The following GRID2 variants were observed in gnomAD, a reference collection of about 807,000 sequenced individuals.
GRID2 encodes the protein glutamate ionotropic receptor delta type subunit 2, also known as glutamate receptor ionotropic, delta-2.
In GRID2, 33 loss-of-function variants were observed where a neutral mutation model predicts 114.8. That is an observed-to-expected ratio of 0.29 (90% CI 0.22 to 0.38). The LOEUF is 0.38. Among genes scored for constraint, GRID2 ranks in the 10% least tolerant of loss-of-function variants. GRID2 has a pLI of 1.00. For missense variants in GRID2, 1,184 were observed against 1,257.7 expected (o/e 0.94, Z 0.89); for synonymous variants, 505 against 449.9 (o/e 1.12, Z -1.55).
In GRID2 at chr4:92,419,473, G is replaced by A. The variant is rs755651241; in HGVS notation, c.88+114729G>A. ...TAAATTAAGATGACGGATAAAATAC[G>A]TCAAATAAATTTAAACAACATGAAC... is the stretch of plus-strand genomic sequence containing the variant. On this transcript the variant is annotated intron_variant, in intron 1 of 15. Transcript: ENST00000282020. Among the ~76,000 whole-genome samples, 5 of 151,970 alleles carry A rather than the reference G, an allele frequency of 3.3e-5. 1 individual carries two copies. Among genetic ancestry groups the A allele is most frequent in the Admixed American group, 2.0e-4 (3 of 15,232 alleles).
intron 2 of GRID2, among the ~76,000 whole-genome samples, chr4:93,058,593 T>G (rs115308939): frequency 0.019 from 2,925 of 152,048 alleles, 40 homozygotes; most frequent in South Asian, 0.024. Context: ...GTGCCGTTAT[T>G]GCTTAAATCA....
At chr4:93,725,797 G>C (rs560287938) in intron 14 of GRID2, among the ~76,000 whole-genome samples, 1 of 152,250 alleles carries the variant, frequency 6.6e-6, no homozygotes, top group South Asian at 2.1e-4. Context: ...AGAAGTGTCT[G>C]TTCATGTCCT....
chr4:92,951,955 T>C (rs963416215), intron 2 of GRID2, among the ~76,000 whole-genome samples: 17 of 152,316 alleles, frequency 1.1e-4, no homozygotes, highest in African/African-American at 3.6e-4. Context: ...CTAAGTCTTA[T>C]TGATTGATAG....
At chr4:93,139,381 C>A (rs1579095220) in intron 4 of GRID2, among the ~76,000 whole-genome samples, 1 of 152,138 alleles carries the variant, frequency 6.6e-6, no homozygotes, top group South Asian at 2.1e-4. Flanking sequence ...ATTGGCTGAA[C>A]CTCCTGAAGT....
chr4:92,959,232 A>T (rs1752631563), intron 2 of GRID2, among the ~76,000 whole-genome samples: 1 of 150,280 alleles, frequency 6.7e-6, no homozygotes. Flanking sequence ...ACTTCCAGTT[A>T]CTTTTTATTT....
intron 9 of GRID2, among the ~76,000 whole-genome samples, chr4:93,403,700 G>A (rs1766135282): frequency 6.6e-6 from 1 of 152,048 alleles, no homozygotes; most frequent in South Asian, 2.1e-4. Flanking sequence ...CCACTAGGAT[G>A]GCTATATTCA....
chr4:93,169,338 C>T (rs1419036726), intron 4 of GRID2, among the ~76,000 whole-genome samples: 2 of 152,208 alleles, frequency 1.3e-5, no homozygotes, highest in African/African-American at 2.4e-5. Context: ...TTCTAAAATA[C>T]ATACAAAAAT....
intron 2 of GRID2, among the ~76,000 whole-genome samples, chr4:92,943,564 C>T (rs1327205768): frequency 2.0e-5 from 3 of 151,862 alleles, no homozygotes; most frequent in East Asian, 3.9e-4. Context: ...CGTCTGAAGC[C>T]TTCTTCTCTC....
intron 2 of GRID2, among the ~76,000 whole-genome samples, chr4:92,633,860 A>ATTTT (rs112371241): frequency 1.0e-4 from 15 of 144,886 alleles, no homozygotes; most frequent in African/African-American, 3.5e-4. Context: ...GCATTCTACT[A>ATTTT]TTTTTTTTTT....
At chr4:92,595,955 T>A (rs1490321270) in intron 2 of GRID2, among the ~76,000 whole-genome samples, 1 of 152,138 alleles carries the variant, frequency 6.6e-6, no homozygotes, top group Admixed American at 6.6e-5. Context: ...TTCTCATTTA[T>A]ATTTCATTTA....
At chr4:93,441,120 A>G (rs1276186664) in intron 10 of GRID2, among the ~76,000 whole-genome samples, 1 of 152,100 alleles carries the variant, frequency 6.6e-6, no homozygotes, top group Non-Finnish European at 1.5e-5. Context: ...ATAAATCCTG[A>G]AATCCACGGT....
intron 8 of GRID2, among the ~76,000 whole-genome samples, chr4:93,321,952 T>C (rs572954068): frequency 4.3e-4 from 65 of 152,026 alleles, no homozygotes; most frequent in African/African-American, 1.5e-3. Context: ...ATATAATCAA[T>C]ACTTTCTTTA....
At chr4:92,495,692 A>G (rs971367147) in intron 1 of GRID2, among the ~76,000 whole-genome samples, 1 of 151,928 alleles carries the variant, frequency 6.6e-6, no homozygotes, top group Non-Finnish European at 1.5e-5. Context: ...AATTATAAAA[A>G]TATAATGTAA....
chr4:92,441,697 G>A (rs1270522209), intron 1 of GRID2, among the ~76,000 whole-genome samples: 1 of 152,082 alleles, frequency 6.6e-6, no homozygotes, highest in Non-Finnish European at 1.5e-5. Flanking sequence ...AAAGCGTGCT[G>A]AGGGATGGGA....
intron 1 of GRID2, among the ~76,000 whole-genome samples, chr4:92,514,362 T>G (rs529837133): frequency 6.6e-6 from 1 of 152,038 alleles, no homozygotes; most frequent in East Asian, 1.9e-4. Context: ...TTGAATTTAT[T>G]ATTGATAGTG....
intron 13 of GRID2, among the ~76,000 whole-genome samples, chr4:93,600,348 T>C (rs1200531109): frequency 6.6e-6 from 1 of 152,052 alleles, no homozygotes; most frequent in Non-Finnish European, 1.5e-5. Flanking sequence ...TTGTATCTCA[T>C]ATATAAAGAA....
At chr4:93,072,799 T>C (rs980885764) in intron 2 of GRID2, among the ~76,000 whole-genome samples, 3 of 152,190 alleles carry the variant, frequency 2.0e-5, no homozygotes, top group Non-Finnish European at 2.9e-5. Context: ...TTTACCACTA[T>C]AAAATTTACA....
intron 2 of GRID2, among the ~76,000 whole-genome samples, chr4:92,700,534 G>A (rs923176841): frequency 1.3e-5 from 2 of 152,028 alleles, no homozygotes; most frequent in South Asian, 2.1e-4. Context: ...TAGTTTTTCC[G>A]TTAATTTATT....
intron 14 of GRID2, among the ~76,000 whole-genome samples, chr4:93,672,017 G>A (rs1237024952): frequency 2.0e-5 from 3 of 152,016 alleles, no homozygotes; most frequent in Non-Finnish European, 4.4e-5. Context: ...ATAAACCAGA[G>A]CATTCTTAAA....
Sources: gnomAD v4.1 joint callset for allele counts (sites outside exome capture counted in the v4.1 genomes callset) on GRCh38, gnomAD v4.1.1 for gene constraint, MANE v1.5 for transcripts, NCBI Gene and HGNC (gene_info 2026-07-23, HGNC 2026-07-21) for gene names.